Variants in PRR16 observed in about 807,000 individuals in gnomAD.
PRR16 encodes the protein protein Largen.
Under a neutral mutation model 18.2 loss-of-function variants are expected in PRR16, and 6 were observed. The observed-to-expected ratio is 0.33, with a 90% CI of 0.18 to 0.65. PRR16 has a LOEUF of 0.65. Among genes scored for constraint, PRR16 ranks in the 30% least tolerant of loss-of-function variants. The pLI is 0.74. For missense variants in PRR16, 412 were observed against 376.6 expected (o/e 1.09, Z -0.78); for synonymous variants, 151 against 147.8 (o/e 1.02, Z -0.16).
the PRR16 span, among the ~76,000 whole-genome samples, chr5:120,749,344 T>A: frequency 1.3e-5 from 2 of 152,046 alleles, no homozygotes; most frequent in Non-Finnish European, 2.9e-5. Flanking sequence ...GACAAAATTG[T>A]TATGTTAGGA....
At chr5:120,628,839 A>G (rs1210428065) in intron 1 of PRR16, among the ~76,000 whole-genome samples, 1 of 152,060 alleles carries the variant, frequency 6.6e-6, no homozygotes, top group Non-Finnish European at 1.5e-5. Flanking sequence ...TGTTTGAAAT[A>G]AACACATATG....
chr5:120,737,995 A>G, the PRR16 span, among the ~76,000 whole-genome samples: 1 of 152,118 alleles, frequency 6.6e-6, no homozygotes, highest in Non-Finnish European at 1.5e-5. Flanking sequence ...AGAGAAGACA[A>G]ATTTCGGAGA....
At chr5:120,535,333 T>C (rs180889782) in intron 1 of PRR16, among the ~76,000 whole-genome samples, 6 of 152,362 alleles carry the variant, frequency 3.9e-5, no homozygotes, top group African/African-American at 1.4e-4. Flanking sequence ...CCTCAAATGT[T>C]AATATTTTAC....
intron 1 of PRR16, among the ~76,000 whole-genome samples, chr5:120,637,039 AC>A (rs1168316663): frequency 6.6e-6 from 1 of 152,148 alleles, no homozygotes; most frequent in Non-Finnish European, 1.5e-5. Context: ...AAAATGCTCA[AC>A]ATCACTAATT....
chr5:120,780,902 T>C, the PRR16 span, among the ~76,000 whole-genome samples: 2 of 152,036 alleles, frequency 1.3e-5, no homozygotes, highest in Non-Finnish European at 2.9e-5. Context: ...ATACAAAAAT[T>C]AGTTGGGCGT....
At chr5:120,665,709 T>C (rs1016581559) in intron 1 of PRR16, among the ~76,000 whole-genome samples, 5 of 152,228 alleles carry the variant, frequency 3.3e-5, no homozygotes, top group South Asian at 2.1e-4. Context: ...ATTTATTAAA[T>C]AGGGAATCCT....
the PRR16 span, among the ~76,000 whole-genome samples, chr5:120,775,452 G>A: frequency 6.6e-6 from 1 of 151,648 alleles, no homozygotes; most frequent in African/African-American, 2.4e-5. Flanking sequence ...CCACCCCCTC[G>A]TCTCTACCCC....
At chr5:120,641,498 A>C (rs1755421256) in intron 1 of PRR16, among the ~76,000 whole-genome samples, 1 of 152,036 alleles carries the variant, frequency 6.6e-6, no homozygotes, top group Non-Finnish European at 1.5e-5. Flanking sequence ...GCCCTTCTAC[A>C]ATGAAGGAAA....
intron 1 of PRR16, among the ~76,000 whole-genome samples, chr5:120,590,898 C>A (rs1457164359): frequency 1.3e-5 from 2 of 152,068 alleles, no homozygotes; most frequent in Non-Finnish European, 2.9e-5. Flanking sequence ...TAGAGTAGTG[C>A]ACAATAAACA....
the PRR16 span, among the ~76,000 whole-genome samples, chr5:120,702,972 C>T: frequency 3.9e-5 from 6 of 152,240 alleles, no homozygotes; most frequent in South Asian, 4.1e-4. Flanking sequence ...CATGCACGTC[C>T]GTGTGAAGAG....
chr5:120,530,228 G>A (rs1180969546), intron 1 of PRR16, among the ~76,000 whole-genome samples: 1 of 137,110 alleles, frequency 7.3e-6, no homozygotes, highest in Non-Finnish European at 1.5e-5. Context: ...GCAAAGAATT[G>A]TGCTGTTTTA....
chr5:120,689,451 T>A (rs112534519), downstream of PRR16, among the ~76,000 whole-genome samples: 191 of 152,296 alleles, frequency 1.3e-3, no homozygotes, highest in African/African-American at 4.2e-3. Flanking sequence ...CTACACATCA[T>A]CCATTAAATC....
the PRR16 span, among the ~76,000 whole-genome samples, chr5:120,775,794 CTAT>C: frequency 3.3e-3 from 400 of 122,488 alleles, 12 homozygotes; most frequent in South Asian, 0.013. Flanking sequence ...CTACGCCTGG[CTAT>C]TTTTTTTTTT....
At chr5:120,754,272 A>AAAT in the PRR16 span, among the ~76,000 whole-genome samples, 8 of 84,548 alleles carry the variant, frequency 9.5e-5, no homozygotes, top group African/African-American at 4.7e-4. Flanking sequence ...ATAAATATAA[A>AAAT]ATAATATATA....
At chr5:120,741,664 C>G in the PRR16 span, among the ~76,000 whole-genome samples, 2 of 152,062 alleles carry the variant, frequency 1.3e-5, no homozygotes, top group Non-Finnish European at 2.9e-5. Context: ...TACACTGGCC[C>G]GATCACGGCT....
At chr5:120,565,798 A>G (rs1426130376) in intron 1 of PRR16, among the ~76,000 whole-genome samples, 1 of 152,186 alleles carries the variant, frequency 6.6e-6, no homozygotes, top group Non-Finnish European at 1.5e-5. Context: ...ATATCATTCT[A>G]TTTTATTGTT....
At chr5:120,567,246 G>A (rs923914490) in intron 1 of PRR16, among the ~76,000 whole-genome samples, 3 of 152,060 alleles carry the variant, frequency 2.0e-5, no homozygotes, top group Non-Finnish European at 2.9e-5. Context: ...ATGCCACTGG[G>A]TTTTGGCCTA....
chr5:120,712,254 A>C, the PRR16 span, among the ~76,000 whole-genome samples: 8 of 152,158 alleles, frequency 5.3e-5, no homozygotes, highest in African/African-American at 1.9e-4. Context: ...CAAATTTTCA[A>C]TATATAATAC....
intron 1 of PRR16, among the ~76,000 whole-genome samples, chr5:120,494,085 T>C (rs76285456): frequency 0.017 from 2,613 of 152,266 alleles, 78 homozygotes; most frequent in African/African-American, 0.06. Flanking sequence ...GCCAGTTACA[T>C]GTTTAGTTTT....
Sources: allele counts gnomAD v4.1 joint callset (sites outside exome capture counted in the v4.1 genomes callset), GRCh38; gene constraint gnomAD v4.1.1; transcripts MANE v1.5; gene names NCBI Gene and HGNC (gene_info 2026-07-23, HGNC 2026-07-21).